The following ZBTB20 variants were observed in gnomAD, a reference collection of about 807,000 sequenced individuals.
The protein encoded by ZBTB20 is zinc finger and BTB domain-containing protein 20.
Under a neutral mutation model 56.9 loss-of-function variants are expected in ZBTB20, and 9 were observed. That is an observed-to-expected ratio of 0.16 (90% confidence interval 0.10 to 0.28). ZBTB20 has a LOEUF of 0.28. ZBTB20 is among the 10% of genes least tolerant of loss of function. The pLI, the probability that ZBTB20 is intolerant of heterozygous loss-of-function variation, is 1.00. For missense variants in ZBTB20, 655 were observed against 1,003.0 expected, an observed-to-expected ratio of 0.65 and a Z score of 4.69; for synonymous variants, 417 against 420.7, an observed-to-expected ratio of 0.99 and a Z score of 0.11.
chr3:114,678,664 T>C (rs2061781954), intron 6 of ZBTB20, among the ~76,000 whole-genome samples: 2 of 152,178 alleles, frequency 1.3e-5, no homozygotes, highest in African/African-American at 4.8e-5. Context: ...ATTCCTGAAA[T>C]TTGGTCATTA....
At chr3:114,354,848 G>A (rs570897759) in intron 10 of ZBTB20, among the ~76,000 whole-genome samples, 3 of 152,220 alleles carry the variant, frequency 2.0e-5, no homozygotes, top group South Asian at 2.1e-4. Flanking sequence ...CCAAAGTGCT[G>A]GGATTACAGG....
intron 6 of ZBTB20, among the ~76,000 whole-genome samples, chr3:114,536,042 T>C (rs1235347330): frequency 1.3e-5 from 2 of 152,202 alleles, no homozygotes; most frequent in African/African-American, 2.4e-5. Flanking sequence ...GCCAATACCA[T>C]ACTGAATGGG....
chr3:114,611,331 T>C (rs2057533671), intron 6 of ZBTB20, among the ~76,000 whole-genome samples: 1 of 152,116 alleles, frequency 6.6e-6, no homozygotes, highest in Non-Finnish European at 1.5e-5. Flanking sequence ...CACTCTATGG[T>C]ATATGAGATC....
At chr3:114,980,499 T>C (rs970269832) in intron 2 of ZBTB20, among the ~76,000 whole-genome samples, 5 of 152,016 alleles carry the variant, frequency 3.3e-5, no homozygotes, top group African/African-American at 7.2e-5. Context: ...TCATAAAAAA[T>C]AGAAGACTTT....
chr3:114,665,533 C>T (rs2060999166), intron 6 of ZBTB20, among the ~76,000 whole-genome samples: 1 of 151,842 alleles, frequency 6.6e-6, no homozygotes, highest in Non-Finnish European at 1.5e-5. Flanking sequence ...GGCAAAAAGG[C>T]CTTCAAAATT....
intron 1 of ZBTB20, among the ~76,000 whole-genome samples, chr3:115,081,184 T>C (rs1253773093): frequency 6.6e-6 from 1 of 152,148 alleles, no homozygotes; most frequent in Non-Finnish European, 1.5e-5. Flanking sequence ...ATAATCATCA[T>C]TCTCTGGATT....
chr3:114,762,172 T>G (rs2068486157), intron 5 of ZBTB20, among the ~76,000 whole-genome samples: 1 of 152,174 alleles, frequency 6.6e-6, no homozygotes, highest in Non-Finnish European at 1.5e-5. Flanking sequence ...AACTCACCAG[T>G]TAATAATAGA....
intron 5 of ZBTB20, among the ~76,000 whole-genome samples, chr3:114,772,130 A>C (rs1171801910): frequency 6.6e-6 from 1 of 152,114 alleles, no homozygotes; most frequent in Non-Finnish European, 1.5e-5. Flanking sequence ...GCCTGAGGTC[A>C]GGAGTTCGTG....
At chr3:115,126,944 A>G (rs1394543167) in intron 1 of ZBTB20, among the ~76,000 whole-genome samples, 1 of 152,248 alleles carries the variant, frequency 6.6e-6, no homozygotes, top group Non-Finnish European at 1.5e-5. Flanking sequence ...GTTATGATTC[A>G]CCAATTCTGT....
At position 114,350,830 on chromosome 3, in the gene ZBTB20, G is replaced by C. The variant is rs572797866; in HGVS notation, c.1248C>G (p.Pro416=). 3 of 1,612,760 alleles carry C rather than the reference G, an allele frequency of 1.9e-6. No homozygotes were observed. Among genetic ancestry groups the C allele is most frequent in the East Asian group, 2.2e-5 (1 of 44,828 alleles). Residue 416 remains proline, a synonymous_variant, in exon 11 of 12, where the codon CCC becomes CCG. Transcript: ENST00000675478. ...GGTTTGTCTGCGGACCACCCTCAGCGGGGGCTTCTGCAGCCTGCTCGGGTT... is the reference window on the plus strand; with the variant it reads ...GGTTTGTCTGCGGACCACCCTCAGCCGGGGCTTCTGCAGCCTGCTCGGGTT... ...PTQPEQAAEA[P]AEGGPQTNQL...
intron 7 of ZBTB20, among the ~76,000 whole-genome samples, chr3:114,453,922 C>T (rs763111427): frequency 4.7e-5 from 3 of 64,380 alleles, no homozygotes; most frequent in Non-Finnish European, 8.5e-5. Flanking sequence ...TAAGCTCACT[C>T]CCCCCCCCCC....
At chr3:115,084,974 G>C (rs1218677137) in intron 1 of ZBTB20, among the ~76,000 whole-genome samples, 1 of 151,726 alleles carries the variant, frequency 6.6e-6, no homozygotes, top group Non-Finnish European at 1.5e-5. Context: ...GTTTTGTTTT[G>C]TTGTTGTTGT....
intron 1 of ZBTB20, among the ~76,000 whole-genome samples, chr3:115,146,560 C>T (rs1028691998): frequency 2.6e-5 from 4 of 152,206 alleles, no homozygotes; most frequent in African/African-American, 9.6e-5. Flanking sequence ...AAAGGTGTGT[C>T]TTCCCTTCCC....
chr3:114,707,894 C>G (rs958173887), intron 5 of ZBTB20, among the ~76,000 whole-genome samples: 2 of 152,152 alleles, frequency 1.3e-5, no homozygotes, highest in African/African-American at 4.8e-5. Flanking sequence ...TTACTTTTAA[C>G]CACAGGGCAT....
chr3:115,017,376 T>C (rs1273656998), intron 2 of ZBTB20, among the ~76,000 whole-genome samples: 2 of 151,430 alleles, frequency 1.3e-5, no homozygotes, highest in African/African-American at 4.8e-5. Context: ...CATGGAAAAC[T>C]AGAAAGGACA....
At chr3:114,785,468 T>TTC (rs1192200653) in intron 5 of ZBTB20, among the ~76,000 whole-genome samples, 5 of 152,170 alleles carry the variant, frequency 3.3e-5, no homozygotes, top group African/African-American at 1.2e-4. Flanking sequence ...AGGTGTTGAA[T>TTC]GTTATCAGTG....
intron 10 of ZBTB20, among the ~76,000 whole-genome samples, chr3:114,355,700 G>A (rs2081180589): frequency 6.6e-6 from 1 of 152,138 alleles, no homozygotes; most frequent in African/African-American, 2.4e-5. Context: ...CTCTACTGTA[G>A]AAGATTTGTC....
chr3:114,739,385 T>C (rs1367845688), intron 5 of ZBTB20, among the ~76,000 whole-genome samples: 2 of 152,206 alleles, frequency 1.3e-5, no homozygotes, highest in African/African-American at 4.8e-5. Flanking sequence ...GTGATCATGT[T>C]ACATGCTTCC....
At chr3:114,579,255 T>C (rs575677785) in intron 6 of ZBTB20, among the ~76,000 whole-genome samples, 35 of 151,870 alleles carry the variant, frequency 2.3e-4, no homozygotes, top group African/African-American at 8.4e-4. Context: ...CATCATTTTA[T>C]TTTAATGCGT....
Sources: allele counts gnomAD v4.1 joint callset (sites outside exome capture counted in the v4.1 genomes callset), GRCh38; gene constraint gnomAD v4.1.1; transcripts MANE v1.5; gene names NCBI Gene and HGNC (gene_info 2026-07-23, HGNC 2026-07-21).